The following RFPL2 variants were observed in gnomAD, a reference collection of about 807,000 sequenced individuals.
RFPL2 encodes ret finger protein like 2.
In RFPL2, 13 loss-of-function variants were observed where a neutral mutation model predicts 17.8. The observed-to-expected ratio is 0.73, with a 90% CI of 0.47 to 1.16. RFPL2 has a LOEUF of 1.16. RFPL2 is among the 50% of genes most tolerant of loss of function. RFPL2 has a pLI of 0.00. For synonymous variants in RFPL2, 189 were observed against 180.9 expected (o/e 1.04, Z -0.36); for missense variants, 431 against 479.3 (o/e 0.90, Z 0.94).
intron 1 of RFPL2, chr22:32,202,764 C>T: frequency 2.7e-6 from 3 of 1,111,684 alleles, no homozygotes; most frequent in Non-Finnish European, 3.3e-6. Flanking sequence ...CTGCAGCCAC[C>T]CTGGCTGCAC....
intron 2 of RFPL2, among the ~76,000 whole-genome samples, chr22:32,194,998 T>A (rs997506908): frequency 1.3e-5 from 2 of 151,424 alleles, no homozygotes; most frequent in African/African-American, 4.8e-5. Context: ...AGTCACAATT[T>A]AAAAAAAAAG....
intron 2 of RFPL2, among the ~76,000 whole-genome samples, chr22:32,198,766 C>A (rs1923623436): frequency 6.6e-6 from 1 of 152,058 alleles, no homozygotes; most frequent in South Asian, 2.1e-4. Flanking sequence ...CTCAGTGGGT[C>A]ACCGTGACCC....
Position 32,191,039 on chromosome 22 carries a change from G to C in RFPL2, c.870C>G (p.Thr290=), listed in dbSNP as rs754365609. Residue 290 remains threonine, a synonymous_variant, in exon 5 of 5, where the codon ACC becomes ACG. Coordinates refer to ENST00000652607, the MANE Select transcript of RFPL2 (RefSeq NM_001394555.1). ...CGAAGAGGAAAGTCAGCGGCACCGT[G>C]GTGGCAGAGAGGCGGCCTCCATCCC... ...SLRDGGRLSA[T]TVPLTFLFVD... is the part of the protein sequence containing the mutation. 1.2e-6 allele frequency: 2 copies of C among 1,613,898 alleles called. No homozygotes were observed. The highest frequency in any genetic ancestry group is 3.3e-5 in the Admixed American group (2 of 59,998).
rs751285689 is a variant in RFPL2 at position 32,190,725 on chromosome 22, C to T, written c.*47G>A. 1 of 1,495,604 alleles carries T rather than the reference C, an allele frequency of 6.7e-7. No homozygotes were observed. Among genetic ancestry groups the T allele is most frequent in the Non-Finnish European group, 8.9e-7 (1 of 1,121,470 alleles). 92.6% of individuals were successfully genotyped at this position (1,495,604 alleles called of 1,614,324 possible). A position where few individuals can be genotyped will look rare whatever the true frequency, so the allele number is the denominator to read the frequency against. ...AGTAGAGCGTTCCTAAGTCTACCCA[C>T]CCAAGTAATTTTCTTACCCTGTTTT... On this transcript the variant is annotated 3_prime_UTR_variant, in exon 5 of 5. Transcript: ENST00000652607.
Position 32,194,508 on chromosome 22 carries a change from C to T in RFPL2, c.120-18G>A, listed in dbSNP as rs779492019. The T allele has an allele frequency of 6.2e-7, 1 of 1,605,366 alleles. No individual in the cohort carries two copies. Among genetic ancestry groups the T allele is most frequent in the African/African-American group, 1.3e-5 (1 of 74,694 alleles). ...TGATGAGGCTTTGATTTAATTATAA[C>T]AGGGAATTAGGTTTTTACTGGTGAT... On this transcript the variant is annotated intron_variant, in intron 2 of 4. Transcript: ENST00000652607.
intron 4 of RFPL2, among the ~76,000 whole-genome samples, chr22:32,192,558 C>G (rs553638597): frequency 1.3e-4 from 20 of 152,190 alleles, no homozygotes; most frequent in Non-Finnish European, 2.4e-4. Context: ...TTCAGTTGCT[C>G]TATGTTTTTG....
At chr22:32,200,070 G>C (rs1178969586) in intron 2 of RFPL2, 1 of 442,356 alleles carries the variant, frequency 2.3e-6, no homozygotes, top group Non-Finnish European at 4.6e-6. Context: ...TGTCACCCAG[G>C]GTATGGAAGT....
intron 2 of RFPL2, among the ~76,000 whole-genome samples, chr22:32,199,554 A>G (rs1286050671): frequency 1.3e-5 from 2 of 152,144 alleles, no homozygotes; most frequent in African/African-American, 4.8e-5. Context: ...CAGGTGAGAA[A>G]AGTTCCCAGA....
rs1922631096 is a variant in RFPL2 at position 32,191,355 on chromosome 22, G to A, written c.557-3C>T. The A allele has an allele frequency of 1.2e-6, 2 of 1,600,186 alleles. No individual in the cohort carries two copies. The highest frequency in any genetic ancestry group is 1.3e-5 in the African/African-American group (1 of 74,138). On this transcript the variant is annotated splice_region_variant and splice_polypyrimidine_tract_variant and intron_variant, in intron 4 of 4. Coordinates refer to ENST00000652607, the MANE Select transcript of RFPL2 (RefSeq NM_001394555.1). Reference sequence around the variant, plus strand: ...GTTGGCATCCAAGGTCATATCCACTGTGAAAAGGAAAAAAAGTTGCTCAGC... The same window carrying A: ...GTTGGCATCCAAGGTCATATCCACTATGAAAAGGAAAAAAAGTTGCTCAGC...
chr22:32,192,558 CTA>C (rs963021736), intron 4 of RFPL2, among the ~76,000 whole-genome samples: 9 of 152,190 alleles, frequency 5.9e-5, no homozygotes, highest in African/African-American at 2.2e-4. Flanking sequence ...TTCAGTTGCT[CTA>C]TGTTTTTGCT....
chr22:32,196,017 T>C (rs1368074647), intron 2 of RFPL2, among the ~76,000 whole-genome samples: 1 of 152,094 alleles, frequency 6.6e-6, no homozygotes, highest in Non-Finnish European at 1.5e-5. Context: ...CAAGCTCCCC[T>C]GCCCCTTACC....
intron 1 of RFPL2, among the ~76,000 whole-genome samples, chr22:32,203,924 G>A (rs1924252400): frequency 6.9e-6 from 1 of 143,900 alleles, no homozygotes; most frequent in Non-Finnish European, 1.5e-5. Flanking sequence ...CCCACTACAT[G>A]CGGTGTAGCC....
chr22:32,201,974 A>G (rs563876798), intron 2 of RFPL2, among the ~76,000 whole-genome samples: 2 of 152,174 alleles, frequency 1.3e-5, no homozygotes, highest in African/African-American at 4.8e-5. Context: ...TCTCCCAGGT[A>G]TGGAAGTCAG....
rs549850295 is a variant in RFPL2 at position 32,192,947 on chromosome 22, G to C, written c.511C>G (p.Leu171Val). 2.5e-6 allele frequency: 4 copies of C among 1,614,158 alleles called. No homozygotes were observed. Among genetic ancestry groups the C allele is most frequent in the Non-Finnish European group, 3.4e-6 (4 of 1,180,016 alleles). ...GGGTTCATCTGCAGAATCTTCTTCA[G>C]CTTGGGCTCCAGTTCCTTGATGTGG... ...ASHIKELEPK[L>V]KKILQMNPRM... The change falls in exon 4 of 5, where the codon CTG (leucine) becomes GTG (valine). Residue 171 changes from leucine to valine, a missense_variant. Leu to Val is a conservative substitution (Grantham distance 32, BLOSUM62 1). Coordinates refer to ENST00000652607, the MANE Select transcript of RFPL2 (RefSeq NM_001394555.1).
chr22:32,192,172 G>A (rs550419255), intron 4 of RFPL2, among the ~76,000 whole-genome samples: 2 of 152,304 alleles, frequency 1.3e-5, no homozygotes, highest in Non-Finnish European at 2.9e-5. Context: ...AGTAGAGATC[G>A]TGGGTGTCAG....
At chr22:32,201,724 G>A (rs1372031062) in intron 2 of RFPL2, among the ~76,000 whole-genome samples, 1 of 152,176 alleles carries the variant, frequency 6.6e-6, no homozygotes, top group African/African-American at 2.4e-5. Flanking sequence ...TGAGAGGAAG[G>A]TGTGGAGACA....
chr22:32,198,980 G>A (rs1242605486), intron 2 of RFPL2, among the ~76,000 whole-genome samples: 1 of 152,206 alleles, frequency 6.6e-6, no homozygotes, highest in Admixed American at 6.5e-5. Context: ...AGAATGAGAG[G>A]CTTGAGGGAG....
At chr22:32,204,322 C>A (rs933498021) in intron 1 of RFPL2, among the ~76,000 whole-genome samples, 28 of 152,134 alleles carry the variant, frequency 1.8e-4, no homozygotes, top group Non-Finnish European at 3.8e-4. Context: ...ACCAGTGCAG[C>A]CACGGATAGC....
intron 2 of RFPL2, among the ~76,000 whole-genome samples, chr22:32,200,941 C>G (rs1001958419): frequency 2.0e-5 from 3 of 151,992 alleles, no homozygotes; most frequent in Non-Finnish European, 2.9e-5. Flanking sequence ...CGGAAACACA[C>G]ACAAAAGGCC....
Sources: allele counts gnomAD v4.1 joint callset (sites outside exome capture counted in the v4.1 genomes callset), GRCh38; gene constraint gnomAD v4.1.1; transcripts MANE v1.5; gene names NCBI Gene and HGNC (gene_info 2026-07-23, HGNC 2026-07-21).